The following R3HDM2 variants were observed in gnomAD, a reference collection of about 807,000 sequenced individuals.
R3HDM2 encodes R3H domain-containing protein 2.
In R3HDM2, 38 loss-of-function variants were observed where a neutral mutation model predicts 124.5. The observed-to-expected ratio is 0.31, with a 90% CI of 0.24 to 0.40. The LOEUF (loss-of-function observed/expected upper bound fraction) is 0.40, where lower values mean the gene tolerates loss of function less well. R3HDM2 is among the 10% of genes least tolerant of loss of function. The probability of loss-of-function intolerance (pLI) is 1.00; values close to 1 mark genes in which losing one functional copy is unlikely to be tolerated. For missense variants in R3HDM2, 869 were observed against 1,236.9 expected, an observed-to-expected ratio of 0.70 and a Z score of 4.46; for synonymous variants, 391 against 448.0, an observed-to-expected ratio of 0.87 and a Z score of 1.61.
chr12:57,430,147 G>A (rs375974643), intron 1 of R3HDM2, among the ~76,000 whole-genome samples: 3 of 152,202 alleles, frequency 2.0e-5, no homozygotes, highest in East Asian at 3.9e-4. Flanking sequence ...TGGTAGTTCC[G>A]AGACTTAATG....
chr12:57,335,224 T>C (rs1045952255), intron 2 of R3HDM2, among the ~76,000 whole-genome samples: 2 of 151,876 alleles, frequency 1.3e-5, no homozygotes, highest in Non-Finnish European at 2.9e-5. Flanking sequence ...TTTTATTTTT[T>C]TGACACAGAG....
intron 2 of R3HDM2, 47 bp from the exon 3 acceptor site, chr12:57,310,510 T>C: frequency 9.5e-7 from 1 of 1,050,580 alleles, no homozygotes. Flanking sequence ...TATCCATACT[T>C]AACAAATACA....
chr12:57,269,672 T>C, intron 15 of R3HDM2, 80 bp downstream of exon 15: 1 of 1,583,216 alleles, frequency 6.3e-7, no homozygotes, highest in South Asian at 1.2e-5. Flanking sequence ...CTCTGGTCTG[T>C]CTAAACTGGA....
chr12:57,288,779 C>A, intron 12 of R3HDM2: 1 of 1,265,058 alleles, frequency 7.9e-7, no homozygotes, highest in Non-Finnish European at 1.1e-6. Flanking sequence ...TGGAGCAAAC[C>A]CACTCTGCTG....
intron 2 of R3HDM2, among the ~76,000 whole-genome samples, chr12:57,338,332 C>T (rs182401517): frequency 4.9e-5 from 7 of 141,806 alleles, no homozygotes; most frequent in Admixed American, 1.5e-4. Flanking sequence ...AAAAACAACA[C>T]GCACAATTAT....
chr12:57,338,160 G>A (rs776516573), intron 2 of R3HDM2, among the ~76,000 whole-genome samples: 49 of 152,158 alleles, frequency 3.2e-4, no homozygotes, highest in Non-Finnish European at 5.0e-4. Flanking sequence ...AAAATTATCC[G>A]GGCATGGTGG....
At chr12:57,341,465 G>A (rs1328811199) in intron 2 of R3HDM2, 7 of 960,946 alleles carry the variant, frequency 7.3e-6, no homozygotes, top group Admixed American at 6.2e-5. Context: ...AAATCACTAC[G>A]TCACTGGAGG....
intron 2 of R3HDM2, among the ~76,000 whole-genome samples, chr12:57,351,885 T>C (rs1176296037): frequency 6.6e-6 from 1 of 152,160 alleles, no homozygotes; most frequent in East Asian, 1.9e-4. Flanking sequence ...CTCTATTCAT[T>C]ATTGAATGGG....
intron 2 of R3HDM2, 142 bp from the exon 3 acceptor site, chr12:57,310,605 G>T: frequency 2.5e-6 from 1 of 396,128 alleles, no homozygotes; most frequent in Non-Finnish European, 4.3e-6. Flanking sequence ...TGCTGTCCCT[G>T]GGTTCATTTC....
At chr12:57,417,388 A>T (rs940216300) in intron 1 of R3HDM2, among the ~76,000 whole-genome samples, 10 of 151,690 alleles carry the variant, frequency 6.6e-5, no homozygotes, top group African/African-American at 2.4e-4. Context: ...CCATTTCAAA[A>T]AAAAAAAAAA....
chr12:57,269,155 C>G, intron 16 of R3HDM2, 73 bp from the exon 17 acceptor site: 2 of 1,577,750 alleles, frequency 1.3e-6, no homozygotes, highest in South Asian at 2.3e-5. Flanking sequence ...TAATTTCCTT[C>G]TCCATTCTAT....
chr12:57,319,915 A>G (rs1373437709), intron 2 of R3HDM2, among the ~76,000 whole-genome samples: 1 of 152,102 alleles, frequency 6.6e-6, no homozygotes, highest in East Asian at 1.9e-4. Context: ...GGGCATAAAG[A>G]TTCCTGGAAA....
At chr12:57,397,565 T>C (rs982596180) in intron 1 of R3HDM2, among the ~76,000 whole-genome samples, 16 of 152,078 alleles carry the variant, frequency 1.1e-4, no homozygotes, top group African/African-American at 3.6e-4. Context: ...GAATGTGGAG[T>C]AGTTGGCTAA....
chr12:57,360,045 ATATTT>A (rs773042767), intron 2 of R3HDM2, among the ~76,000 whole-genome samples: 76 of 77,006 alleles, frequency 9.9e-4, no homozygotes, highest in African/African-American at 1.9e-3. Context: ...ATATATATAT[ATATTT>A]TTTTTTTTTT....
intron 11 of R3HDM2, among the ~76,000 whole-genome samples, chr12:57,291,120 G>A (rs2048482112): frequency 6.6e-6 from 1 of 152,188 alleles, no homozygotes; most frequent in Non-Finnish European, 1.5e-5. Flanking sequence ...TAGGAGGTAA[G>A]AAGATTCCTT....
chr12:57,417,398 AAAG>A (rs907520718), intron 1 of R3HDM2, among the ~76,000 whole-genome samples: 1 of 152,030 alleles, frequency 6.6e-6, no homozygotes, highest in East Asian at 1.9e-4. Flanking sequence ...AAAAAAAAAA[AAAG>A]AGAGAGACTT....
At chr12:57,344,786 A>G (rs2059924689) in intron 2 of R3HDM2, among the ~76,000 whole-genome samples, 1 of 152,100 alleles carries the variant, frequency 6.6e-6, no homozygotes, top group South Asian at 2.1e-4. Context: ...GTGAACACTG[A>G]ATTTCAACAC....
At position 57,269,852 on chromosome 12, in the gene R3HDM2, G is replaced by A. The variant is rs773004795; in HGVS notation, c.1487C>T (p.Thr496Met). The change falls in exon 15 of 24, where the codon ACG becomes ATG. Residue 496 changes from threonine (T) to methionine (M), a missense_variant. Physicochemically the swap from Thr to Met is moderately conservative, Grantham distance 81. Transcript: ENST00000402412. ...GTTGGAAGTGGGGAGGGGCTGACCCGTGGAAGCCATGATGAAGCTAGTCTG... is the reference window on the plus strand; with the variant it reads ...GTTGGAAGTGGGGAGGGGCTGACCCATGGAAGCCATGATGAAGCTAGTCTG... ...PQQTSFIMAS[T>M]GQPLPTSNYS... is the part of the protein sequence containing the mutation. 1.3e-5 allele frequency: 21 copies of A among 1,614,012 alleles called. No individual in the cohort carries two copies. Among genetic ancestry groups the A allele is most frequent in the African/African-American group, 5.3e-5 (4 of 74,912 alleles).
At chr12:57,328,773 C>G (rs2057695475) in intron 2 of R3HDM2, among the ~76,000 whole-genome samples, 1 of 151,446 alleles carries the variant, frequency 6.6e-6, no homozygotes, top group Non-Finnish European at 1.5e-5. Context: ...GCTCAGCTTC[C>G]CAAAGTGCTG....
Sources: gnomAD v4.1 joint callset for allele counts (sites outside exome capture counted in the v4.1 genomes callset) on GRCh38, gnomAD v4.1.1 for gene constraint, MANE v1.5 for transcripts, NCBI Gene and HGNC (gene_info 2026-07-23, HGNC 2026-07-21) for gene names.